Variants in AGBL1 observed in about 807,000 individuals in gnomAD.
The protein encoded by AGBL1 is AGBL carboxypeptidase 1.
A neutral mutation model predicts 118.9 loss-of-function variants in AGBL1; 130 were observed. That is an observed-to-expected ratio of 1.09 (90% CI 0.95 to 1.26). The LOEUF (loss-of-function observed/expected upper bound fraction) is 1.26, where lower values mean the gene tolerates loss of function less well. Ranked by LOEUF, AGBL1 falls within the 50% of genes most tolerant of loss-of-function variation. AGBL1 has a pLI of 0.00. For missense variants in AGBL1, 1,584 were observed against 1,298.1 expected, an observed-to-expected ratio of 1.22 and a Z score of -3.38; for synonymous variants, 555 against 478.9, an observed-to-expected ratio of 1.16 and a Z score of -2.08.
rs149480921 is a variant in AGBL1 at position 86,997,537 on chromosome 15, C to G, written c.3323+9449C>G. On this transcript the variant is annotated intron_variant, in intron 24 of 24. Transcript: ENST00000441037. ...TCCCCCTTCAGACTTTGGAATTTAG[C>G]AACTAGGATAGCCTTTGAAAACAGA... Among the ~76,000 whole-genome samples the G allele has an allele frequency of 1.2e-4, 19 of 152,200 alleles. No individual in the cohort carries two copies. The East Asian group carries it at 3.1e-3, about 25-fold the overall frequency.
chr15:86,496,145 C>T (rs1193294299), intron 18 of AGBL1, among the ~76,000 whole-genome samples: 1 of 151,908 alleles, frequency 6.6e-6, no homozygotes, highest in African/African-American at 2.4e-5. Flanking sequence ...GGGGCGGTTT[C>T]CCCCATGCTG....
intron 18 of AGBL1, among the ~76,000 whole-genome samples, chr15:86,473,441 A>G (rs1425630303): frequency 1.3e-5 from 2 of 152,252 alleles, no homozygotes; most frequent in Admixed American, 6.5e-5. Flanking sequence ...AGCACAAAGA[A>G]GAAAATCAAA....
chr15:86,523,227 CCTT>C (rs1300676026), intron 19 of AGBL1, among the ~76,000 whole-genome samples: 1 of 152,174 alleles, frequency 6.6e-6, no homozygotes, highest in Non-Finnish European at 1.5e-5. Context: ...AAGGAATAAT[CCTT>C]CTTTGTCTGT....
chr15:86,233,699 A>G (rs1388584884), intron 6 of AGBL1, among the ~76,000 whole-genome samples: 1 of 152,262 alleles, frequency 6.6e-6, no homozygotes, highest in Non-Finnish European at 1.5e-5. Context: ...CTTACTATGC[A>G]GTGGCAAGAA....
chr15:86,159,869 C>T (rs190626519), intron 5 of AGBL1, among the ~76,000 whole-genome samples: 229 of 152,066 alleles, frequency 1.5e-3, no homozygotes, highest in Non-Finnish European at 1.8e-3. Flanking sequence ...TACAGTTATG[C>T]CATTATCATC....
intron 5 of AGBL1, among the ~76,000 whole-genome samples, chr15:86,213,487 C>T (rs964517001): frequency 2.6e-5 from 4 of 152,120 alleles, no homozygotes; most frequent in African/African-American, 4.8e-5. Flanking sequence ...TCAGGAACTT[C>T]GGGGCTGGAG....
intron 22 of AGBL1, among the ~76,000 whole-genome samples, chr15:86,847,001 A>C (rs4887513): frequency 0.77 from 116,360 of 151,976 alleles, 44,503 homozygotes; most frequent in African/African-American, 0.79. Flanking sequence ...ATTTCTATTG[A>C]TCTATCTTTA....
rs144044652 is a variant in AGBL1 at position 86,342,908 on chromosome 15, G to C, written c.2374+47500G>C. 5.1e-3 allele frequency among the ~76,000 whole-genome samples: 772 copies of C among 152,252 alleles called. 32 individuals carry two copies. In the East Asian group the frequency reaches 0.097, roughly 19 times the overall value. On this transcript the variant is annotated intron_variant, in intron 17 of 22. Coordinates refer to ENST00000614907, the MANE Select transcript of AGBL1 (RefSeq NM_001386094.1). ...AGAACATTTTTAGATTTTCCTATGA[G>C]AGCAGCATTTTGTAAATTCAAAGGA...
chr15:86,785,298 G>C (rs1048523969), intron 22 of AGBL1, among the ~76,000 whole-genome samples: 1 of 151,076 alleles, frequency 6.6e-6, no homozygotes, highest in Non-Finnish European at 1.5e-5. Context: ...CTGACCGTCG[G>C]AATCCTTTAG....
At chr15:86,398,339 G>A (rs2081397691) in intron 18 of AGBL1, among the ~76,000 whole-genome samples, 1 of 152,022 alleles carries the variant, frequency 6.6e-6, no homozygotes, top group Non-Finnish European at 1.5e-5. Flanking sequence ...TCCACAAAGA[G>A]GTCTTTCAAA....
At position 86,439,740 on chromosome 15, in the gene AGBL1, T is replaced by C. The variant is rs1400654783; in HGVS notation, c.2555+42194T>C. 1.3e-5 allele frequency among the ~76,000 whole-genome samples: 2 copies of C among 152,182 alleles called. 1 individual carries two copies. Among genetic ancestry groups the C allele is most frequent in the African/African-American group, 4.8e-5 (2 of 41,432 alleles). On this transcript the variant is annotated intron_variant, in intron 18 of 22. Coordinates refer to ENST00000614907, the MANE Select transcript of AGBL1 (RefSeq NM_001386094.1). ...TATTTTCTTGTGGTTCTCAATTAAATACATTTACTTGAGGTGTTATGAAAT... is the reference window on the plus strand; with the variant it reads ...TATTTTCTTGTGGTTCTCAATTAAACACATTTACTTGAGGTGTTATGAAAT...
At chr15:86,585,873 A>G (rs572496982) in intron 21 of AGBL1, among the ~76,000 whole-genome samples, 2 of 152,324 alleles carry the variant, frequency 1.3e-5, no homozygotes, top group Admixed American at 1.3e-4. Flanking sequence ...ATTCATAACA[A>G]TGGTGAGACA....
At chr15:86,237,919 T>G (rs2078579220) in intron 6 of AGBL1, among the ~76,000 whole-genome samples, 1 of 152,176 alleles carries the variant, frequency 6.6e-6, no homozygotes, top group African/African-American at 2.4e-5. Context: ...TCACCTGGCT[T>G]TAGCTCCTGG....
chr15:86,116,544 C>T (rs1897769897), intron 1 of AGBL1: 2 of 152,104 alleles, frequency 1.3e-5, no homozygotes, highest in Non-Finnish European at 1.5e-5. Context: ...GTTGTGGGCC[C>T]GAATACAACA....
At chr15:86,951,854 CT>C (rs905618742) in intron 23 of AGBL1, among the ~76,000 whole-genome samples, 2 of 152,146 alleles carry the variant, frequency 1.3e-5, no homozygotes, top group Non-Finnish European at 2.9e-5. Context: ...CCTGCTATGT[CT>C]TCTTCATAAC....
At chr15:86,470,773 G>GT (rs920618066) in intron 18 of AGBL1, among the ~76,000 whole-genome samples, 5 of 151,726 alleles carry the variant, frequency 3.3e-5, no homozygotes, top group South Asian at 2.1e-4. Context: ...ATTTCTAAGT[G>GT]TTTTTTTAAT....
chr15:86,744,690 C>T (rs895017407), intron 22 of AGBL1, among the ~76,000 whole-genome samples: 17 of 152,140 alleles, frequency 1.1e-4, no homozygotes, highest in African/African-American at 3.9e-4. Context: ...TTCTCCCACC[C>T]TCCCTCTTTG....
intron 22 of AGBL1, among the ~76,000 whole-genome samples, chr15:86,877,242 A>G (rs1429121555): frequency 6.6e-6 from 1 of 152,172 alleles, no homozygotes; most frequent in East Asian, 1.9e-4. Flanking sequence ...TCAACAATGG[A>G]CTTACTAAGA....
At chr15:86,554,123 G>T (rs1461403054) in intron 20 of AGBL1, among the ~76,000 whole-genome samples, 1 of 152,114 alleles carries the variant, frequency 6.6e-6, no homozygotes, top group African/African-American at 2.4e-5. Context: ...ACCTCCCAAA[G>T]TGCTGAGATT....
Sources: gnomAD v4.1 joint callset for allele counts (sites outside exome capture counted in the v4.1 genomes callset) on GRCh38, gnomAD v4.1.1 for gene constraint, MANE v1.5 for transcripts, NCBI Gene and HGNC (gene_info 2026-07-23, HGNC 2026-07-21) for gene names.